The following ESYT2 variants were observed in gnomAD, a reference collection of about 807,000 sequenced individuals.
ESYT2 encodes extended synaptotagmin-2.
Under a neutral mutation model 107.2 loss-of-function variants are expected in ESYT2, and 54 were observed. The ratio of observed to expected loss-of-function variants is 0.50; its 90% CI spans 0.40 to 0.63. The LOEUF (loss-of-function observed/expected upper bound fraction) is 0.63. Ranked by LOEUF, ESYT2 falls within the 30% of genes least tolerant of loss-of-function variation. ESYT2 has a pLI of 0.00. For synonymous variants in ESYT2, 491 were observed against 434.1 expected (o/e 1.13, Z -1.63); for missense variants, 1,020 against 1,094.5 (o/e 0.93, Z 0.96).
chr7:158,755,129 G>C (rs1251224714), intron 13 of ESYT2, among the ~76,000 whole-genome samples: 1 of 152,228 alleles, frequency 6.6e-6, no homozygotes, highest in Non-Finnish European at 1.5e-5. Context: ...TAAGTTTGCA[G>C]ATGGGGATCG....
chr7:158,739,614 C>T (rs1837118572), intron 18 of ESYT2, among the ~76,000 whole-genome samples: 1 of 152,216 alleles, frequency 6.6e-6, no homozygotes, highest in Non-Finnish European at 1.5e-5. Context: ...TCCCAAAGTG[C>T]TGGGATTACA....
intron 6 of ESYT2, among the ~76,000 whole-genome samples, chr7:158,785,251 C>T (rs546218315): frequency 6.6e-6 from 1 of 152,124 alleles, no homozygotes; most frequent in African/African-American, 2.4e-5. Flanking sequence ...GGTGAAACCC[C>T]GTCTCTACTA....
rs754046081 is a variant in ESYT2 at position 158,748,193 on chromosome 7, C to T, written c.1644+1G>A. The T allele has an allele frequency of 6.2e-6, 10 of 1,612,780 alleles. No individual in the cohort carries two copies. Among genetic ancestry groups the T allele is most frequent in the African/African-American group, 2.7e-5 (2 of 74,814 alleles). On this transcript the variant is annotated splice_donor_variant, in intron 16 of 22. Transcript: ENST00000275418. LOFTEE classifies it high-confidence loss of function. ...TTGGTTAAAAAATGCAAATAAAATA[C>T]CTCAACTTCAAGGTCCTGGCGCTTG...
intron 10 of ESYT2, 88 bp downstream of exon 10, chr7:158,762,995 C>A: frequency 5.8e-6 from 5 of 859,278 alleles, no homozygotes; most frequent in Non-Finnish European, 9.1e-6. Context: ...AACAAGTATA[C>A]AAATGTATTT....
chr7:158,792,360 CA>C (rs61313167), intron 4 of ESYT2, among the ~76,000 whole-genome samples: 19,174 of 145,106 alleles, frequency 0.13, 1,434 homozygotes, highest in African/African-American at 0.21. Flanking sequence ...CCCATCTCTA[CA>C]AAAAAAAAAT....
intron 6 of ESYT2, among the ~76,000 whole-genome samples, chr7:158,777,028 T>A (rs1363742480): frequency 7.0e-6 from 1 of 142,506 alleles, no homozygotes. Flanking sequence ...AATTTTTGTA[T>A]TTTTTTTTTT....
intron 1 of ESYT2, among the ~76,000 whole-genome samples, chr7:158,818,932 G>T (rs946581779): frequency 6.6e-6 from 1 of 152,192 alleles, no homozygotes; most frequent in Non-Finnish European, 1.5e-5. Context: ...AGCCCCACTC[G>T]CACGGGCCCT....
At chr7:158,748,521 G>A (rs1166713203) in intron 15 of ESYT2, among the ~76,000 whole-genome samples, 1 of 152,116 alleles carries the variant, frequency 6.6e-6, no homozygotes, top group Non-Finnish European at 1.5e-5. Context: ...AGTTTGTCAT[G>A]AGGCCCCAAC....
At chr7:158,797,908 G>A (rs1382970835) in intron 3 of ESYT2, 34 bp downstream of exon 3, 3 of 1,592,586 alleles carry the variant, frequency 1.9e-6, no homozygotes, top group Admixed American at 3.7e-5. Flanking sequence ...CAATCTGACT[G>A]TGTGCACGTG....
At chr7:158,782,898 G>A (rs890907999) in intron 6 of ESYT2, among the ~76,000 whole-genome samples, 1 of 151,816 alleles carries the variant, frequency 6.6e-6, no homozygotes, top group African/African-American at 2.4e-5. Flanking sequence ...GGGTGTGTGA[G>A]ACAGGAGGCT....
intron 3 of ESYT2, among the ~76,000 whole-genome samples, chr7:158,794,788 A>C (rs1839412437): frequency 6.6e-6 from 1 of 152,124 alleles, no homozygotes; most frequent in Admixed American, 6.5e-5. Context: ...AAAATGAAAG[A>C]AGCACTTTAC....
chr7:158,762,628 G>C (rs529000278), intron 10 of ESYT2, among the ~76,000 whole-genome samples: 1 of 152,240 alleles, frequency 6.6e-6, no homozygotes, highest in South Asian at 2.1e-4. Flanking sequence ...CAATTGAAGT[G>C]AACAAACCAG....
chr7:158,758,045 A>G (rs944117357), intron 13 of ESYT2, among the ~76,000 whole-genome samples: 2 of 151,590 alleles, frequency 1.3e-5, no homozygotes, highest in African/African-American at 2.4e-5. Context: ...TGTAACAGGT[A>G]AAGTCACAGA....
At chr7:158,817,350 A>G (rs1840173707) in intron 1 of ESYT2, among the ~76,000 whole-genome samples, 1 of 152,230 alleles carries the variant, frequency 6.6e-6, no homozygotes, top group African/African-American at 2.4e-5. Context: ...GGTCTCCACA[A>G]GGTAATCCAG....
chr7:158,801,230 G>A (rs1839634311), intron 1 of ESYT2, among the ~76,000 whole-genome samples: 2 of 152,194 alleles, frequency 1.3e-5, no homozygotes, highest in South Asian at 4.1e-4. Context: ...TTGAATATAA[G>A]TGAACTGGCT....
At chr7:158,762,674 C>T (rs537067293) in intron 10 of ESYT2, among the ~76,000 whole-genome samples, 3 of 152,262 alleles carry the variant, frequency 2.0e-5, no homozygotes, top group African/African-American at 7.2e-5. Context: ...TATATCCTGA[C>T]AAAAATTAAT....
At position 158,809,262 on chromosome 7, in the gene ESYT2, C is replaced by T. The variant is rs1375819104; in HGVS notation, c.331-10190G>A. On this transcript the variant is annotated intron_variant, in intron 1 of 22. Transcript: ENST00000275418. ...GGAGGCCAAGGCGGGCGGATCACAA[C>T]GTCAAGAGATCAAGACCATCCTGGC... is the stretch of plus-strand genomic sequence containing the variant. 3.3e-5 allele frequency among the ~76,000 whole-genome samples: 5 copies of T among 151,738 alleles called. No homozygotes were observed. In the East Asian group the frequency reaches 5.9e-4, roughly 18 times the overall value.
At chr7:158,812,716 G>A (rs1205154861) in intron 1 of ESYT2, among the ~76,000 whole-genome samples, 1 of 152,182 alleles carries the variant, frequency 6.6e-6, no homozygotes, top group Non-Finnish European at 1.5e-5. Context: ...TGGATGAATG[G>A]ATAATCAAAC....
At chr7:158,761,722 A>G (rs947041659) in intron 10 of ESYT2, among the ~76,000 whole-genome samples, 178 bp from the exon 11 acceptor site, 3 of 152,184 alleles carry the variant, frequency 2.0e-5, no homozygotes, top group Non-Finnish European at 4.4e-5. Flanking sequence ...CTATTTTTCC[A>G]CAAGCTTCCT....
Sources: gnomAD v4.1 joint callset for allele counts (sites outside exome capture counted in the v4.1 genomes callset) on GRCh38, gnomAD v4.1.1 for gene constraint, MANE v1.5 for transcripts, NCBI Gene and HGNC (gene_info 2026-07-23, HGNC 2026-07-21) for gene names.